The following HOXA3 variants were observed in gnomAD, a reference collection of about 807,000 sequenced individuals.
The protein encoded by HOXA3 is homeobox A3, also known as homeobox protein Hox-A3.
In HOXA3, 8 loss-of-function variants were observed where a neutral mutation model predicts 30.3. The observed-to-expected ratio is 0.26, with a 90% confidence interval of 0.15 to 0.48. The LOEUF (loss-of-function observed/expected upper bound fraction) is 0.48. HOXA3 is among the 20% of genes least tolerant of loss of function. HOXA3 has a pLI of 0.99. For missense variants in HOXA3, 653 were observed against 614.4 expected (o/e 1.06, Z -0.66); for synonymous variants, 323 against 273.1 (o/e 1.18, Z -1.80).
intron 2 of HOXA3, chr7:27,129,868 T>C (rs1785446983): frequency 1.6e-6 from 1 of 606,120 alleles, no homozygotes; most frequent in South Asian, 2.0e-5. Context: ...ATGGGGGCTA[T>C]AATTACTGCC....
In HOXA3 at chr7:27,108,501, T is replaced by A. The variant is rs1292541310; in HGVS notation, c.746A>T (p.Asp249Val). ...CGTTAGCATGCCCTTGCCCTTCTGA[T>A]CCTTTTTGTACTTCATGCGGCGATT... is the stretch of plus-strand genomic sequence containing the variant. ...FQNRRMKYKKDQKGKGMLTSS... is the reference protein window; with the variant it reads ...FQNRRMKYKKVQKGKGMLTSS... Residue 249 changes from aspartate to valine, a missense_variant, in exon 6 of 6, where the codon GAT (aspartate) becomes GTT (valine). This residue lies in a region of HOXA3 where 330 missense variants were observed against 274.4 expected (regional missense o/e 1.20). Coordinates refer to ENST00000612286, the MANE Select transcript of HOXA3 (RefSeq NM_153631.3). The surrounding 1 kb of genome is among the most constrained non-coding windows in gnomAD (Gnocchi z 5.0). 2 of 1,613,970 alleles carry A rather than the reference T, an allele frequency of 1.2e-6. No homozygotes were observed. Among genetic ancestry groups the A allele is most frequent in the African/African-American group, 2.7e-5 (2 of 74,892 alleles).
chr7:27,117,478 C>A (rs1227661043), intron 4 of HOXA3, among the ~76,000 whole-genome samples: 1 of 152,178 alleles, frequency 6.6e-6, no homozygotes, highest in African/African-American at 2.4e-5. Context: ...CTTTCTTCAA[C>A]CCTCTGGGGC....
chr7:27,108,446 G>A lies in HOXA3; in HGVS notation c.801C>T (p.Ser267=). 1 of 1,614,054 alleles carries A rather than the reference G, an allele frequency of 6.2e-7. No individual in the cohort carries two copies. The highest frequency in any genetic ancestry group is 2.2e-5 in the East Asian group (1 of 44,862). ...TSSGGQSPSR[S]PVPPGAGGYL... ...AGCCACCGGCTCCGGGGGGCACGGG[G>A]CTGCGACTTGGAGACTGGCCCCCCG... is the stretch of plus-strand genomic sequence containing the variant. Residue 267 remains serine (S), a synonymous_variant, in exon 6 of 6, where the codon AGC becomes AGT. Transcript: ENST00000612286. This position sits in a 1 kb window ranked among gnomAD's most constrained non-coding sequence, Gnocchi z 5.0.
chr7:27,108,936 G>C lies in HOXA3; in HGVS notation c.527-216C>G, dbSNP rs188503574. 2.6e-5 allele frequency among the ~76,000 whole-genome samples: 4 copies of C among 152,228 alleles called. No homozygotes were observed. In the East Asian group the frequency reaches 7.7e-4, roughly 29 times the overall value. On this transcript the variant is annotated intron_variant, in intron 5 of 5. Transcript: ENST00000612286. The surrounding 1 kb of genome is among the most constrained non-coding windows in gnomAD (Gnocchi z 5.0). The stretch of plus-strand genomic sequence containing the variant: ...AGGAGCAAATCACAGCCTTCTCGGG[G>C]GAAAGGACAGAGAAGTAGAACCCCC...
In HOXA3 at chr7:27,113,936, C is replaced by T. The variant is rs1784530930; in HGVS notation, c.-120-3176G>A. 1 of 151,390 alleles carries T rather than the reference C, an allele frequency of 6.6e-6. No homozygotes were observed. The highest frequency in any genetic ancestry group is 1.5e-5 in the Non-Finnish European group (1 of 67,682). 9.4% of individuals were successfully genotyped at this position (151,390 alleles called of 1,614,324 possible). Reference sequence around the variant, plus strand: ...CCTTCCCGAGGGCAGCAGCCGCGGCCCGGAGATAAGCGCTAGTGCGGCGCC... The same window carrying T: ...CCTTCCCGAGGGCAGCAGCCGCGGCTCGGAGATAAGCGCTAGTGCGGCGCC... On this transcript the variant is annotated intron_variant, in intron 4 of 5. Transcript: ENST00000612286. This position sits in a 1 kb window ranked among gnomAD's most constrained non-coding sequence, Gnocchi z 4.8.
chr7:27,108,464 GC>G lies in HOXA3; in HGVS notation c.782del (p.Gly261AlafsTer17). On this transcript the variant is annotated frameshift_variant, in exon 6 of 6. Transcript: ENST00000612286. LOFTEE classifies it high-confidence loss of function. The surrounding 1 kb of genome is among the most constrained non-coding windows in gnomAD (Gnocchi z 5.0). Reference sequence around the variant, plus strand: ...GCACGGGGCTGCGACTTGGAGACTGGCCCCCCGATGACGTTAGCATGCCCTT... The same window carrying G: ...GCACGGGGCTGCGACTTGGAGACTGGCCCCCGATGACGTTAGCATGCCCTT... ...KGKGMLTSSG[G>X]QSPSRSPVPP... The G allele has an allele frequency of 6.2e-7, 1 of 1,614,032 alleles. No homozygotes were observed. The highest frequency in any genetic ancestry group is 1.1e-5 in the South Asian group (1 of 91,082).
intron 2 of HOXA3, chr7:27,130,901 C>CA (rs1235213121): frequency 2.9e-6 from 2 of 700,562 alleles, no homozygotes; most frequent in African/African-American, 3.6e-5. Context: ...ACGCCGCCAC[C>CA]AAAGTTCGAG....
At chr7:27,152,089 TGTGTGCGTGCGCGC>T (rs901854660) in intron 1 of HOXA3, among the ~76,000 whole-genome samples, 185 bp downstream of exon 1, 198 of 37,446 alleles carry the variant, frequency 5.3e-3, no homozygotes, top group South Asian at 0.039. Flanking sequence ...TGTGTGTGTG[TGTGTGCGTGCGCGC>T]GTGTGTGCCT....
In HOXA3 at chr7:27,107,972, G is replaced by A. The variant is rs1363729547; in HGVS notation, c.1275C>T (p.Thr425=). 2 of 1,602,732 alleles carry A rather than the reference G, an allele frequency of 1.2e-6. No individual in the cohort carries two copies. The highest frequency in any genetic ancestry group is 1.7e-6 in the Non-Finnish European group (2 of 1,171,620). ...TTCTTCCCTGAGAAGGATGGTGGCCGGTAAGGTCCGTGTAGGTGGGGTGCG... is the reference window on the plus strand; with the variant it reads ...TTCTTCCCTGAGAAGGATGGTGGCCAGTAAGGTCCGTGTAGGTGGGGTGCG... ...GEPHPTYTDL[T]GHHPSQGRIQ... Residue 425 remains threonine, a synonymous_variant, in exon 6 of 6, where the codon ACC becomes ACT. Transcript: ENST00000612286.
chr7:27,142,785 A>C (rs1263465590), intron 1 of HOXA3: 2 of 438,198 alleles, frequency 4.6e-6, no homozygotes, highest in Non-Finnish European at 4.0e-6. Flanking sequence ...GTGGGGTTCC[A>C]GAGGGGTTTT....
chr7:27,130,918 C>T, intron 2 of HOXA3: 2 of 644,182 alleles, frequency 3.1e-6, no homozygotes, highest in East Asian at 2.9e-5. Context: ...CGAGCCGCTC[C>T]TCCCCAGCCC....
chr7:27,134,154 A>G (rs1785646500), intron 2 of HOXA3: 1 of 152,244 alleles, frequency 6.6e-6, no homozygotes, highest in African/African-American at 2.4e-5. Context: ...CAGAATTTCA[A>G]AACGCCTGAT....
At chr7:27,137,047 G>A (rs531707077) in intron 2 of HOXA3, among the ~76,000 whole-genome samples, 9 of 152,300 alleles carry the variant, frequency 5.9e-5, no homozygotes, top group African/African-American at 2.2e-4. Flanking sequence ...CCCAGCCAAG[G>A]CAGGGGGGAG....
chr7:27,132,528 G>A (rs1242606808), intron 2 of HOXA3, among the ~76,000 whole-genome samples: 1 of 152,174 alleles, frequency 6.6e-6, no homozygotes, highest in African/African-American at 2.4e-5. Context: ...ACCCTGAAGA[G>A]GTACAAAGAG....
intron 2 of HOXA3, chr7:27,129,943 T>G: frequency 2.9e-6 from 2 of 699,060 alleles, no homozygotes; most frequent in Non-Finnish European, 4.7e-6. Context: ...GGTTCTCATG[T>G]TGGGATCAGG....
At chr7:27,141,104 A>T (rs17449150) in intron 1 of HOXA3, 1 of 134,236 alleles carries the variant, frequency 7.4e-6, no homozygotes, top group Non-Finnish European at 1.6e-5. Context: ...TTTTCCTTAA[A>T]AACAAATACA....
At chr7:27,142,626 C>T (rs3757640) in intron 1 of HOXA3, 117,497 of 189,504 alleles carry the variant, frequency 0.62, 38,591 homozygotes, top group Middle Eastern at 0.74. Flanking sequence ...AGCCCCTTTT[C>T]GGGGGCTGTA....
chr7:27,135,667 G>A (rs898213476), intron 2 of HOXA3, among the ~76,000 whole-genome samples: 4 of 152,242 alleles, frequency 2.6e-5, no homozygotes, highest in East Asian at 1.9e-4. Flanking sequence ...ACAAAAAACC[G>A]GCCAATCAGA....
chr7:27,122,726 C>G (rs1467811657), intron 3 of HOXA3, 84 bp from the exon 4 acceptor site: 1 of 152,130 alleles, frequency 6.6e-6, no homozygotes, highest in African/African-American at 2.4e-5. Flanking sequence ...GAGGCTCATG[C>G]GGGCGCCAAG....
Sources: allele counts gnomAD v4.1 joint callset (sites outside exome capture counted in the v4.1 genomes callset), GRCh38; gene constraint gnomAD v4.1.1; regional missense constraint gnomAD v4.1.1; non-coding constraint Gnocchi (gnomAD v3.1); transcripts MANE v1.5; gene names NCBI Gene and HGNC (gene_info 2026-07-23, HGNC 2026-07-21).